Variants in ST6GALNAC5 observed in about 807,000 individuals in gnomAD.
ST6GALNAC5 encodes the protein alpha-N-acetylgalactosaminide alpha-2,6-sialyltransferase 5.
A neutral mutation model predicts 33.6 loss-of-function variants in ST6GALNAC5; 27 were observed. The ratio of observed to expected loss-of-function variants is 0.80; its 90% confidence interval spans 0.59 to 1.11. The LOEUF (loss-of-function observed/expected upper bound fraction) is 1.11, where lower values mean the gene tolerates loss of function less well. Ranked by LOEUF, ST6GALNAC5 falls within the 50% of genes least tolerant of loss-of-function variation. ST6GALNAC5 has a pLI of 0.00. For synonymous variants in ST6GALNAC5, 194 were observed against 171.2 expected, an observed-to-expected ratio of 1.13 and a Z score of -1.04; for missense variants, 428 against 454.0, an observed-to-expected ratio of 0.94 and a Z score of 0.52.
chr1:76,883,251 G>A (rs1357331), intron 2 of ST6GALNAC5, among the ~76,000 whole-genome samples: 70,225 of 152,094 alleles, frequency 0.46, 16,483 homozygotes, highest in African/African-American at 0.5. Context: ...ACATGCTTCT[G>A]ATCACACAAT....
chr1:76,913,942 C>A (rs1181307045), intron 2 of ST6GALNAC5, among the ~76,000 whole-genome samples: 4 of 152,120 alleles, frequency 2.6e-5, no homozygotes, highest in Admixed American at 1.3e-4. Context: ...ATTTAGAAAA[C>A]CCCATTGTCT....
intron 3 of ST6GALNAC5, among the ~76,000 whole-genome samples, chr1:77,048,938 T>C (rs560943730): frequency 1.6e-5 from 2 of 126,630 alleles, no homozygotes; most frequent in Non-Finnish European, 3.2e-5. Flanking sequence ...ACAGGTAAGA[T>C]TCAGCCCACT....
intron 2 of ST6GALNAC5, among the ~76,000 whole-genome samples, chr1:76,891,592 T>C (rs1418091849): frequency 6.6e-6 from 1 of 152,342 alleles, no homozygotes; most frequent in Non-Finnish European, 1.5e-5. Flanking sequence ...ATTTTGATGA[T>C]GCTAATTTAT....
intron 2 of ST6GALNAC5, among the ~76,000 whole-genome samples, chr1:77,007,128 C>A (rs1037643655): frequency 2.0e-5 from 3 of 152,176 alleles, no homozygotes; most frequent in Admixed American, 1.3e-4. Flanking sequence ...GAGGGCACTA[C>A]CAAATGGTGT....
intron 2 of ST6GALNAC5, among the ~76,000 whole-genome samples, chr1:76,982,502 T>C (rs537893022): frequency 9.9e-5 from 15 of 152,050 alleles, no homozygotes; most frequent in Non-Finnish European, 1.9e-4. Flanking sequence ...CTCCAAGAAA[T>C]ATGGGACTAT....
intron 2 of ST6GALNAC5, among the ~76,000 whole-genome samples, chr1:76,975,052 G>T (rs1648949786): frequency 1.3e-5 from 2 of 151,812 alleles, no homozygotes; most frequent in Non-Finnish European, 1.5e-5. Context: ...CTCCCAAACT[G>T]CTGGGATTAC....
intron 2 of ST6GALNAC5, among the ~76,000 whole-genome samples, chr1:76,897,526 CG>C (rs1011399631): frequency 1.3e-5 from 2 of 151,974 alleles, no homozygotes; most frequent in African/African-American, 4.8e-5. Context: ...TGGCATTAAT[CG>C]GGGTAAAGGT....
At chr1:76,893,324 G>T (rs1570645047) in intron 2 of ST6GALNAC5, among the ~76,000 whole-genome samples, 1 of 152,142 alleles carries the variant, frequency 6.6e-6, no homozygotes, top group African/African-American at 2.4e-5. Flanking sequence ...TATAGAAGTG[G>T]TGTAAAAGAC....
intron 2 of ST6GALNAC5, among the ~76,000 whole-genome samples, chr1:76,874,780 G>T (rs980497969): frequency 6.6e-6 from 1 of 152,090 alleles, no homozygotes; most frequent in Non-Finnish European, 1.5e-5. Context: ...TTAATACTTT[G>T]TATCCTTCAA....
rs74373723 is a variant in ST6GALNAC5, at chr1:77,049,363, G to A, written c.672-895G>A. Among the ~76,000 whole-genome samples the A allele has an allele frequency of 1.1e-3, 175 of 152,246 alleles. 1 individual carries two copies. Among genetic ancestry groups the A allele is most frequent in the African/African-American group, 3.9e-3 (163 of 41,544 alleles). On this transcript the variant is annotated intron_variant, in intron 3 of 4. Transcript: ENST00000477717. ...TTGAAACTGGCTAATGAGGCATGCC[G>A]TAAGTACTGAAGGAAAAGTAAAAGC...
intron 4 of ST6GALNAC5, among the ~76,000 whole-genome samples, chr1:77,061,757 T>A (rs1652581760): frequency 6.6e-6 from 1 of 152,134 alleles, no homozygotes; most frequent in South Asian, 2.1e-4. Flanking sequence ...GCGTAAATAT[T>A]TATTAACCCT....
intron 2 of ST6GALNAC5, among the ~76,000 whole-genome samples, chr1:76,979,972 C>T (rs916015441): frequency 2.0e-5 from 3 of 152,036 alleles, no homozygotes; most frequent in Non-Finnish European, 4.4e-5. Flanking sequence ...AGACCCAAAA[C>T]TATGAAACTA....
At chr1:76,900,463 G>A (rs970224759) in intron 2 of ST6GALNAC5, among the ~76,000 whole-genome samples, 1 of 152,014 alleles carries the variant, frequency 6.6e-6, no homozygotes, top group Non-Finnish European at 1.5e-5. Context: ...AATACACTGG[G>A]ATATACCTTT....
chr1:76,965,215 A>AC (rs76848968), intron 2 of ST6GALNAC5, among the ~76,000 whole-genome samples: 73,716 of 150,682 alleles, frequency 0.49, 18,430 homozygotes, highest in African/African-American at 0.6. Context: ...TTAGTTTACC[A>AC]CCCCCCCCAC....
At chr1:76,926,366 C>T (rs1037734099) in intron 2 of ST6GALNAC5, among the ~76,000 whole-genome samples, 13 of 152,116 alleles carry the variant, frequency 8.5e-5, no homozygotes, top group Admixed American at 7.9e-4. Flanking sequence ...TTGGTGACCA[C>T]TTGGTCATCT....
At chr1:76,901,421 A>G (rs144860611) in intron 2 of ST6GALNAC5, among the ~76,000 whole-genome samples, 1 of 152,316 alleles carries the variant, frequency 6.6e-6, no homozygotes, top group East Asian at 1.9e-4. Flanking sequence ...GTTAGCACCT[A>G]GGTTTTTATG....
intron 2 of ST6GALNAC5, among the ~76,000 whole-genome samples, chr1:76,987,394 A>T (rs933961618): frequency 2.0e-5 from 3 of 152,180 alleles, no homozygotes; most frequent in African/African-American, 4.8e-5. Flanking sequence ...GTGAGATATC[A>T]TTTGACACCA....
intron 2 of ST6GALNAC5, among the ~76,000 whole-genome samples, chr1:77,010,409 T>G (rs1340014465): frequency 1.3e-5 from 2 of 152,098 alleles, no homozygotes; most frequent in Admixed American, 1.3e-4. Context: ...GCAGGAGAAT[T>G]GCTTGAGCCT....
chr1:76,941,985 G>A (rs1185019484), intron 2 of ST6GALNAC5, among the ~76,000 whole-genome samples: 1 of 152,142 alleles, frequency 6.6e-6, no homozygotes, highest in South Asian at 2.1e-4. Context: ...CTAGTTGTGT[G>A]GGTGAAGAGA....
Sources: gnomAD v4.1 joint callset for allele counts (sites outside exome capture counted in the v4.1 genomes callset) on GRCh38, gnomAD v4.1.1 for gene constraint, MANE v1.5 for transcripts, NCBI Gene and HGNC (gene_info 2026-07-23, HGNC 2026-07-21) for gene names.